Variants in CCSER1 observed in about 807,000 individuals in gnomAD.
CCSER1 encodes serine-rich coiled-coil domain-containing protein 1.
CCSER1 carries 41 observed loss-of-function variants against 82.0 expected under a neutral mutation model. The observed-to-expected ratio is 0.50, with a 90% CI of 0.39 to 0.65. CCSER1 has a LOEUF of 0.65. Ranked by LOEUF, CCSER1 falls within the 30% of genes least tolerant of loss-of-function variation. The pLI, the probability that CCSER1 is intolerant of heterozygous loss-of-function variation, is 0.00. For synonymous variants in CCSER1, 414 were observed against 383.9 expected, an observed-to-expected ratio of 1.08 and a Z score of -0.92; for missense variants, 1,119 against 1,064.2, an observed-to-expected ratio of 1.05 and a Z score of -0.72.
At chr4:90,505,009 A>G (rs1338824856) in intron 5 of CCSER1, among the ~76,000 whole-genome samples, 1 of 152,226 alleles carries the variant, frequency 6.6e-6, no homozygotes, top group Admixed American at 6.5e-5. Context: ...CTGGGGCCAC[A>G]GAACAACATG....
chr4:90,365,811 A>G lies in CCSER1; in HGVS notation c.1510-34225A>G, dbSNP rs542559217. Among the ~76,000 whole-genome samples, 12 of 152,006 alleles carry G rather than the reference A, an allele frequency of 7.9e-5. 1 individual carries two copies. In the South Asian group the frequency reaches 2.5e-3, roughly 31 times the overall value. On this transcript the variant is annotated intron_variant, in intron 3 of 10. Coordinates refer to ENST00000509176, the MANE Select transcript of CCSER1 (RefSeq NM_001145065.2). ...TTAAATATTCCTGCTTGATAATCATAATCGATAAGTGAGCAAACATTTGTT... is the reference window on the plus strand; with the variant it reads ...TTAAATATTCCTGCTTGATAATCATGATCGATAAGTGAGCAAACATTTGTT...
At chr4:91,023,696 A>G (rs184470463) in intron 9 of CCSER1, among the ~76,000 whole-genome samples, 3 of 152,342 alleles carry the variant, frequency 2.0e-5, no homozygotes, top group South Asian at 2.1e-4. Flanking sequence ...ACCTAAAACC[A>G]TAAAAACCCT....
At chr4:90,478,224 CT>C (rs1560579625) in intron 5 of CCSER1, among the ~76,000 whole-genome samples, 1 of 152,108 alleles carries the variant, frequency 6.6e-6, no homozygotes, top group East Asian at 1.9e-4. Context: ...AAGGGTTCCC[CT>C]GATTGATGGA....
chr4:90,265,766 A>G (rs1295774941), intron 1 of CCSER1, among the ~76,000 whole-genome samples: 2 of 152,078 alleles, frequency 1.3e-5, no homozygotes, highest in Non-Finnish European at 2.9e-5. Context: ...GTACTTCTGT[A>G]AGAGAAATAA....
chr4:91,277,733 T>G (rs1742595199), intron 10 of CCSER1, among the ~76,000 whole-genome samples: 1 of 151,820 alleles, frequency 6.6e-6, no homozygotes, highest in African/African-American at 2.4e-5. Context: ...AATTTTGGGT[T>G]TGGTTTGTTC....
intron 10 of CCSER1, among the ~76,000 whole-genome samples, chr4:91,166,554 T>G (rs1732096988): frequency 6.6e-6 from 1 of 152,232 alleles, no homozygotes; most frequent in South Asian, 2.1e-4. Flanking sequence ...ATGAGGCTTA[T>G]AAAACAATAT....
rs182095097 is a variant in CCSER1 at position 91,293,213 on chromosome 4, C to A, written c.2217+207219C>A. ...CTTTCCCACTCAGCACCATCCACTACAACCCTTGTTGTACCGGCCAACTGT... is the reference window on the plus strand; with the variant it reads ...CTTTCCCACTCAGCACCATCCACTAAAACCCTTGTTGTACCGGCCAACTGT... On this transcript the variant is annotated intron_variant, in intron 10 of 10. Transcript: ENST00000509176. 3.9e-5 allele frequency among the ~76,000 whole-genome samples: 6 copies of A among 152,072 alleles called. No homozygotes were observed. The East Asian group carries it at 1.2e-3, about 30-fold the overall frequency.
intron 10 of CCSER1, among the ~76,000 whole-genome samples, chr4:91,460,261 C>T (rs1038658465): frequency 1.3e-5 from 2 of 152,118 alleles, no homozygotes; most frequent in African/African-American, 4.8e-5. Flanking sequence ...GGTTAGGGTA[C>T]TGCTCCTTCT....
intron 10 of CCSER1, among the ~76,000 whole-genome samples, chr4:91,417,860 A>C (rs1162750657): frequency 6.6e-6 from 1 of 152,126 alleles, no homozygotes; most frequent in Non-Finnish European, 1.5e-5. Context: ...AAAGTTGAAG[A>C]GAATTTAAAA....
chr4:91,352,361 C>T (rs1748532265), intron 10 of CCSER1, among the ~76,000 whole-genome samples: 1 of 152,116 alleles, frequency 6.6e-6, no homozygotes, highest in Admixed American at 6.5e-5. Flanking sequence ...ATTCTCCTGC[C>T]TCAGCCTCCC....
chr4:90,497,949 CT>C (rs398063795), intron 5 of CCSER1, among the ~76,000 whole-genome samples: 2,514 of 141,284 alleles, frequency 0.018, 33 homozygotes, highest in African/African-American at 0.047. Flanking sequence ...TGAACAGTCT[CT>C]TTTTTTTTTT....
intron 5 of CCSER1, among the ~76,000 whole-genome samples, chr4:90,627,097 A>T (rs191576250): frequency 6.6e-6 from 1 of 152,226 alleles, no homozygotes; most frequent in African/African-American, 2.4e-5. Flanking sequence ...TTTATTCCTT[A>T]TTTCATTATA....
intron 5 of CCSER1, among the ~76,000 whole-genome samples, chr4:90,516,619 G>A (rs560749850): frequency 6.6e-6 from 1 of 152,286 alleles, no homozygotes; most frequent in Non-Finnish European, 1.5e-5. Context: ...ATCTCCTAAT[G>A]AGGCTGATCA....
chr4:91,287,890 CCTTT>C (rs1435646397), intron 10 of CCSER1, among the ~76,000 whole-genome samples: 4 of 151,500 alleles, frequency 2.6e-5, no homozygotes, highest in Non-Finnish European at 5.9e-5. Context: ...CTGAATATTG[CCTTT>C]CTTTTGAGAC....
At chr4:91,308,017 CT>C (rs1362509302) in intron 10 of CCSER1, among the ~76,000 whole-genome samples, 16 of 152,036 alleles carry the variant, frequency 1.1e-4, no homozygotes, top group Middle Eastern at 3.4e-3. Flanking sequence ...AAACACTCTA[CT>C]TGTAGATATT....
intron 3 of CCSER1, among the ~76,000 whole-genome samples, chr4:90,371,062 C>A (rs571828169): frequency 6.6e-6 from 1 of 152,030 alleles, no homozygotes; most frequent in South Asian, 2.1e-4. Context: ...GGAAACAAAC[C>A]CAGACCTTGC....
chr4:90,710,273 G>T (rs72661875), intron 6 of CCSER1, among the ~76,000 whole-genome samples: 34,052 of 151,724 alleles, frequency 0.22, 4,865 homozygotes, highest in African/African-American at 0.4. Flanking sequence ...ATAGTTTTTT[G>T]TTGTTGTTGT....
chr4:91,521,728 T>C (rs755120692), intron 10 of CCSER1, among the ~76,000 whole-genome samples: 11 of 152,182 alleles, frequency 7.2e-5, no homozygotes, highest in Non-Finnish European at 1.3e-4. Flanking sequence ...GATGGGGTTG[T>C]TTGATATTTT....
At chr4:91,590,416 A>G (rs1764208124) in intron 10 of CCSER1, among the ~76,000 whole-genome samples, 1 of 152,142 alleles carries the variant, frequency 6.6e-6, no homozygotes, top group Non-Finnish European at 1.5e-5. Context: ...GTCTCTCTGT[A>G]GTAGAGTGTT....
Sources: gnomAD v4.1 joint callset for allele counts (sites outside exome capture counted in the v4.1 genomes callset) on GRCh38, gnomAD v4.1.1 for gene constraint, MANE v1.5 for transcripts, NCBI Gene and HGNC (gene_info 2026-07-23, HGNC 2026-07-21) for gene names.